Variants in STK32A observed in about 807,000 individuals in gnomAD.
STK32A encodes the protein serine/threonine kinase 32A.
A neutral mutation model predicts 53.2 loss-of-function variants in STK32A; 41 were observed. That is an observed-to-expected ratio of 0.77 (90% CI 0.60 to 1.00). STK32A has a LOEUF of 1.00. STK32A is among the 50% of genes least tolerant of loss of function. The probability of loss-of-function intolerance (pLI) is 0.00; values close to 1 mark genes in which losing one functional copy is unlikely to be tolerated. For synonymous variants in STK32A, 166 were observed against 162.8 expected (o/e 1.02, Z -0.15); for missense variants, 458 against 485.8 (o/e 0.94, Z 0.54).
At chr5:147,344,648 C>T (rs1471195262) in intron 6 of STK32A, among the ~76,000 whole-genome samples, 2 of 152,192 alleles carry the variant, frequency 1.3e-5, no homozygotes, top group African/African-American at 4.8e-5. Flanking sequence ...CTCTTCTAGC[C>T]TATAGAGGCC....
chr5:147,313,130 G>A, intron 4 of STK32A, among the ~76,000 whole-genome samples: 1 of 151,842 alleles, frequency 6.6e-6, no homozygotes, highest in East Asian at 1.9e-4. Flanking sequence ...AGCTACTCAG[G>A]AGGCTGAGAT....
intron 2 of STK32A, among the ~76,000 whole-genome samples, chr5:147,269,352 T>C (rs762951241): frequency 2.0e-5 from 3 of 152,108 alleles, no homozygotes; most frequent in Non-Finnish European, 4.4e-5. Context: ...AGTAATGGTG[T>C]GTTGTTGTCA....
At chr5:147,388,384 C>G (rs953684819), downstream of STK32A, among the ~76,000 whole-genome samples, 1 of 152,228 alleles carries the variant, frequency 6.6e-6, no homozygotes, top group Admixed American at 6.5e-5. Flanking sequence ...GGGCAGCCAG[C>G]AAGCTGCTGG....
intron 3 of STK32A, among the ~76,000 whole-genome samples, 196 bp from the exon 4 acceptor site, chr5:147,279,051 C>A (rs1436784896): frequency 6.6e-6 from 1 of 152,034 alleles, no homozygotes; most frequent in African/African-American, 2.4e-5. Context: ...AAAAGAGATC[C>A]AAGAATTGAA....
At chr5:147,247,981 T>A (rs1753826302) in intron 2 of STK32A, among the ~76,000 whole-genome samples, 1 of 151,458 alleles carries the variant, frequency 6.6e-6, no homozygotes, top group Non-Finnish European at 1.5e-5. Flanking sequence ...ATTAGCTGGG[T>A]GTGGTGGGGC....
intron 2 of STK32A, among the ~76,000 whole-genome samples, chr5:147,254,688 G>C (rs941901019): frequency 1.3e-5 from 2 of 152,136 alleles, no homozygotes; most frequent in African/African-American, 4.8e-5. Context: ...ACCTAATTCT[G>C]ATTGGCTAAT....
At chr5:147,279,688 C>T (rs1751959385) in intron 4 of STK32A, among the ~76,000 whole-genome samples, 2 of 152,124 alleles carry the variant, frequency 1.3e-5, no homozygotes, top group Non-Finnish European at 2.9e-5. Context: ...AGGGGTGAAA[C>T]ATTCATGATG....
chr5:147,380,499 A>AT (rs967303998), intron 11 of STK32A, among the ~76,000 whole-genome samples: 17 of 151,100 alleles, frequency 1.1e-4, no homozygotes, highest in Admixed American at 2.6e-4. Flanking sequence ...TGACTGAATG[A>AT]TTTTTTTTAA....
At chr5:147,265,276 C>G (rs4705153) in intron 2 of STK32A, among the ~76,000 whole-genome samples, 44,782 of 151,458 alleles carry the variant, frequency 0.3, 6,988 homozygotes, top group African/African-American at 0.36. Context: ...CTGATGTGAA[C>G]CATTTTTATC....
intron 8 of STK32A, among the ~76,000 whole-genome samples, chr5:147,363,879 A>C (rs1756626719): frequency 6.6e-6 from 1 of 152,176 alleles, no homozygotes. Flanking sequence ...TACTATAAGC[A>C]GACAGAAGGA....
At chr5:147,370,602 T>G in intron 8 of STK32A, 52 bp from the exon 9 acceptor site, 2 of 1,195,386 alleles carry the variant, frequency 1.7e-6, no homozygotes, top group Non-Finnish European at 2.4e-6. Flanking sequence ...GGAAATTTTT[T>G]TTTTCTTTTG....
intron 2 of STK32A, among the ~76,000 whole-genome samples, chr5:147,248,613 T>C (rs1203740389): frequency 6.6e-6 from 1 of 152,218 alleles, no homozygotes; most frequent in Non-Finnish European, 1.5e-5. Context: ...TGTTCTACTT[T>C]GCAATTTGTT....
At chr5:147,397,181 T>A in the STK32A span, among the ~76,000 whole-genome samples, 27 of 47,030 alleles carry the variant, frequency 5.7e-4, no homozygotes, top group Non-Finnish European at 9.7e-4. Context: ...GACCTATATA[T>A]ATATATATAC....
At chr5:147,262,033 G>T (rs1340664405) in intron 2 of STK32A, among the ~76,000 whole-genome samples, 1 of 152,166 alleles carries the variant, frequency 6.6e-6, no homozygotes, top group Non-Finnish European at 1.5e-5. Context: ...AGTGACCGAT[G>T]CTGTACAAGA....
At chr5:147,355,629 G>C (rs1319895186) in intron 7 of STK32A, among the ~76,000 whole-genome samples, 2 of 152,006 alleles carry the variant, frequency 1.3e-5, no homozygotes, top group Non-Finnish European at 2.9e-5. Context: ...AGTGAGCAGA[G>C]ATCGCGCCAC....
chr5:147,257,592 C>T (rs894672847), intron 2 of STK32A, among the ~76,000 whole-genome samples: 4 of 152,054 alleles, frequency 2.6e-5, no homozygotes, highest in Admixed American at 2.0e-4. Flanking sequence ...CTGTGGCCCA[C>T]AACTCTGGAG....
chr5:147,399,279 A>T, the STK32A span: 4 of 1,608,948 alleles, frequency 2.5e-6, no homozygotes, highest in Non-Finnish European at 3.4e-6. Context: ...AATTATATCT[A>T]TATCTATAGC....
intron 4 of STK32A, among the ~76,000 whole-genome samples, chr5:147,280,373 C>G (rs1751996483): frequency 7.9e-6 from 1 of 127,342 alleles, no homozygotes; most frequent in South Asian, 2.5e-4. Context: ...GCAGGTATTG[C>G]TTCTCTACTT....
At chr5:147,333,101 C>T (rs1462778101) in intron 5 of STK32A, among the ~76,000 whole-genome samples, 1 of 152,140 alleles carries the variant, frequency 6.6e-6, no homozygotes, top group Non-Finnish European at 1.5e-5. Flanking sequence ...AAGCTTTATT[C>T]TTTCAGGTTT....
Sources: gnomAD v4.1 joint callset for allele counts (sites outside exome capture counted in the v4.1 genomes callset) on GRCh38, gnomAD v4.1.1 for gene constraint, MANE v1.5 for transcripts, NCBI Gene and HGNC (gene_info 2026-07-23, HGNC 2026-07-21) for gene names.